Variants in ITGAL observed in about 807,000 individuals in gnomAD.
ITGAL encodes the protein integrin alpha-L.
ITGAL carries 68 observed loss-of-function variants against 138.4 expected under a neutral mutation model. The ratio of observed to expected loss-of-function variants is 0.49; its 90% CI spans 0.40 to 0.60. ITGAL has a LOEUF of 0.60. Among genes scored for constraint, ITGAL ranks in the 20% least tolerant of loss-of-function variants. The pLI is 0.00. For missense variants in ITGAL, 1,256 were observed against 1,478.6 expected (o/e 0.85, Z 2.47); for synonymous variants, 561 against 584.3 (o/e 0.96, Z 0.57).
chr16:30,509,138 T>G (rs987223737), intron 21 of ITGAL, among the ~76,000 whole-genome samples: 1 of 146,742 alleles, frequency 6.8e-6, no homozygotes, highest in African/African-American at 2.5e-5. Context: ...ATCACTCTAC[T>G]GCACTCTAGC....
At chr16:30,503,350 T>C (rs183926912) in intron 17 of ITGAL, among the ~76,000 whole-genome samples, 6 of 152,160 alleles carry the variant, frequency 3.9e-5, no homozygotes, top group Admixed American at 3.9e-4. Flanking sequence ...GGAAAGATCC[T>C]GGACTTTGGA....
intron 29 of ITGAL, among the ~76,000 whole-genome samples, chr16:30,519,258 G>A (rs1226772373): frequency 6.6e-6 from 1 of 151,908 alleles, no homozygotes; most frequent in Non-Finnish European, 1.5e-5. Context: ...GGTGGTTCAC[G>A]CCTGTACTCA....
In ITGAL at chr16:30,521,876, G is replaced by A. The variant is rs1490359561; in HGVS notation, c.*211G>A. On this transcript the variant is annotated 3_prime_UTR_variant, in exon 31 of 31. Coordinates refer to ENST00000356798, the MANE Select transcript of ITGAL (RefSeq NM_002209.3). ...TGCTGAGGGACCAGCCAAGAGGGCT[G>A]CAAAAGTGAGGGCTTGTCATTACCA... 1 of 535,696 alleles carries A rather than the reference G, an allele frequency of 1.9e-6. No homozygotes were observed. The highest frequency in any genetic ancestry group is 3.3e-6 in the Non-Finnish European group (1 of 302,344). The allele number at this position is 535,696 out of a possible 1,614,324, so 33.2% of individuals were successfully genotyped here.
chr16:30,517,835 C>T lies in ITGAL; in HGVS notation c.3072C>T (p.Val1024=). ...GAGCCCTGTTCCGCTGCCCTGTTGT[C>T]TTCAGGCAGGAGATCCTCGTCCAAG... ...LPGALFRCPV[V]FRQEILVQVI... The change falls in exon 28 of 31, where the codon GTC becomes GTT. Residue 1024 remains valine, a synonymous_variant. Coordinates refer to ENST00000356798, the MANE Select transcript of ITGAL (RefSeq NM_002209.3). 1.2e-6 allele frequency: 2 copies of T among 1,614,180 alleles called. No homozygotes were observed. Among genetic ancestry groups the T allele is most frequent in the East Asian group, 2.2e-5 (1 of 44,882 alleles).
intron 13 of ITGAL, among the ~76,000 whole-genome samples, chr16:30,495,183 C>T (rs2050781963): frequency 6.6e-6 from 1 of 152,140 alleles, no homozygotes; most frequent in Non-Finnish European, 1.5e-5. Flanking sequence ...TGCCACCATG[C>T]CCAGCTAATT....
chr16:30,517,043 C>T lies in ITGAL; in HGVS notation c.2933C>T (p.Pro978Leu). The part of the protein sequence containing the change: ...TLEAVVGVPQ[P>L]PSEGPITHQW... ...GAGGCTGTGGTTGGGGTGCCACAGC[C>T]TCCCAGCGAGGGGCCCATCACACAC... Residue 978 changes from proline to leucine, a missense_variant, in exon 26 of 31, where the codon CCT (proline) becomes CTT (leucine). By Grantham distance (98) the Pro-to-Leu change is moderately conservative. This residue lies in a region of ITGAL where 867 missense variants were observed against 972.5 expected (regional missense o/e 0.89). Transcript: ENST00000356798. The T allele has an allele frequency of 6.2e-7, 1 of 1,613,538 alleles. No homozygotes were observed. The highest frequency in any genetic ancestry group is 8.5e-7 in the Non-Finnish European group (1 of 1,179,646).
chr16:30,497,922 G>A (rs1454619531), intron 15 of ITGAL, among the ~76,000 whole-genome samples: 1 of 151,574 alleles, frequency 6.6e-6, no homozygotes, highest in African/African-American at 2.4e-5. Context: ...ACTCCAGCCT[G>A]AGCTACAGAG....
At position 30,494,522 on chromosome 16, in the gene ITGAL, T is replaced by A. The variant is rs922715833; in HGVS notation, c.1365+159T>A. Reference sequence around the variant, plus strand: ...TAACACACAGAGGTAAGCCCTGTCATCTCCCTCTCTAGTTTAAGAAACTGA... The same window carrying A: ...TAACACACAGAGGTAAGCCCTGTCAACTCCCTCTCTAGTTTAAGAAACTGA... On this transcript the variant is annotated intron_variant, in intron 12 of 30. Transcript: ENST00000356798. The surrounding 1 kb of genome is among the most constrained non-coding windows in gnomAD (Gnocchi z 4.2). Among the ~76,000 whole-genome samples, 1 of 152,106 alleles carries A rather than the reference T, an allele frequency of 6.6e-6. No homozygotes were observed. The highest frequency in any genetic ancestry group is 1.5e-5 in the Non-Finnish European group (1 of 68,028).
Position 30,494,972 on chromosome 16 carries a change from A to G in ITGAL, c.1503+122A>G. ...CGATCAAACTTTTAGAACGACAGAG[A>G]GGCAATAGCAAATCCTCACTGGGGA... On this transcript the variant is annotated intron_variant, in intron 13 of 30. Coordinates refer to ENST00000356798, the MANE Select transcript of ITGAL (RefSeq NM_002209.3). The surrounding 1 kb of genome is among the most constrained non-coding windows in gnomAD (Gnocchi z 4.2). 1 of 1,041,988 alleles carries G rather than the reference A, an allele frequency of 9.6e-7. No individual in the cohort carries two copies. The highest frequency in any genetic ancestry group is 1.4e-6 in the Non-Finnish European group (1 of 729,224). 64.5% of individuals were successfully genotyped at this position (1,041,988 alleles called of 1,614,324 possible). A position where few individuals can be genotyped will look rare whatever the true frequency, so the allele number is the denominator to read the frequency against.
In ITGAL at chr16:30,474,692, T is replaced by C. The variant is rs562373394; in HGVS notation, c.164+394T>C. 7 of 184,506 alleles carry C rather than the reference T, an allele frequency of 3.8e-5. No individual in the cohort carries two copies. The South Asian group carries it at 8.2e-4, about 22-fold the overall frequency. The allele number at this position is 184,506 out of a possible 1,614,324, so 11.4% of individuals were successfully genotyped here. ...CCATGAATGGCTTTTGAATCAAGGA[T>C]TGAATGAATGTACTTATCATGAGAC... On this transcript the variant is annotated intron_variant, in intron 2 of 30. Transcript: ENST00000356798.
Position 30,494,883 on chromosome 16 carries a change from G to A in ITGAL, c.1503+33G>A. The A allele has an allele frequency of 6.4e-7, 1 of 1,562,880 alleles. No homozygotes were observed. The highest frequency in any genetic ancestry group is 8.7e-7 in the Non-Finnish European group (1 of 1,149,020). On this transcript the variant is annotated intron_variant, in intron 13 of 30. Transcript: ENST00000356798. This position sits in a 1 kb window ranked among gnomAD's most constrained non-coding sequence, Gnocchi z 4.2. ...CAGGATCTGGAGCTGAGAGGGAGGA[G>A]GGAGAGCAGCAGAGATTCGCAGCTC...
At chr16:30,490,223 G>A (rs753945450) in intron 11 of ITGAL, among the ~76,000 whole-genome samples, 41 of 55,664 alleles carry the variant, frequency 7.4e-4, no homozygotes, top group African/African-American at 2.9e-3. Flanking sequence ...GCGAGACTCC[G>A]TCTTAAAAAA....
In ITGAL at chr16:30,494,804, A is replaced by T; in HGVS notation, c.1457A>T (p.Tyr486Phe). The change falls in exon 13 of 31, where the codon TAT (tyrosine) becomes TTT (phenylalanine). Residue 486 changes from tyrosine (Y) to phenylalanine (F), a missense_variant. Tyr to Phe is a conservative substitution (Grantham distance 22). Coordinates refer to ENST00000356798, the MANE Select transcript of ITGAL (RefSeq NM_002209.3). The surrounding 1 kb of genome is among the most constrained non-coding windows in gnomAD (Gnocchi z 4.2). ...ELLLIGAPLF[Y>F]GEQRGGRVFI... ...CTGCTGATTGGTGCCCCACTGTTCT[A>T]TGGGGAGCAGAGAGGAGGCCGGGTG... is the stretch of plus-strand genomic sequence containing the variant. 1 of 1,611,684 alleles carries T rather than the reference A, an allele frequency of 6.2e-7. No individual in the cohort carries two copies. The highest frequency in any genetic ancestry group is 8.5e-7 in the Non-Finnish European group (1 of 1,178,298).
chr16:30,490,272 A>G (rs2050707382), intron 11 of ITGAL, among the ~76,000 whole-genome samples: 1 of 150,914 alleles, frequency 6.6e-6, no homozygotes. Context: ...AAACCAGCCA[A>G]TTCCGAGCCC....
At chr16:30,481,143 A>AAC (rs60456127) in intron 6 of ITGAL, 17,979 of 215,542 alleles carry the variant, frequency 0.083, 1,439 homozygotes, top group African/African-American at 0.28. Flanking sequence ...CTCTACTAAA[A>AAC]ACACACACAC....
In ITGAL at chr16:30,483,893, G is replaced by T; in HGVS notation, c.789G>T (p.Thr263=). The change falls in exon 8 of 31, where the codon ACG becomes ACT. Residue 263 remains threonine, a synonymous_variant. Transcript: ENST00000356798. The stretch of plus-strand genomic sequence containing the variant: ...CCACCAAAGTGCTTATCATCATCAC[G>T]GATGGGGAGGCCACTGACAGTGGCA... ...PDATKVLIII[T]DGEATDSGNI... is the part of the protein sequence containing the mutation. 6.2e-7 allele frequency: 1 copy of T among 1,614,080 alleles called. No individual in the cohort carries two copies.
At chr16:30,490,969 C>CA (rs111825062) in intron 11 of ITGAL, among the ~76,000 whole-genome samples, 6,165 of 105,868 alleles carry the variant, frequency 0.058, 156 homozygotes, top group African/African-American at 0.082. Flanking sequence ...GACTTTGTCT[C>CA]AAAAAAAAAA....
intron 2 of ITGAL, 85 bp from the exon 3 acceptor site, chr16:30,475,221 C>T (rs1289680454): frequency 1.1e-6 from 1 of 952,186 alleles, no homozygotes; most frequent in Non-Finnish European, 1.6e-6. Context: ...AGAAATGAGA[C>T]AGGAGATCTG....
intron 18 of ITGAL, among the ~76,000 whole-genome samples, chr16:30,504,625 A>G (rs1479033061): frequency 6.6e-6 from 1 of 151,734 alleles, no homozygotes. Flanking sequence ...CACTTGAGCC[A>G]GAGGGTTGAG....
Sources: gnomAD v4.1 joint callset for allele counts (sites outside exome capture counted in the v4.1 genomes callset) on GRCh38, gnomAD v4.1.1 for gene constraint, gnomAD v4.1.1 regional missense constraint, Gnocchi (gnomAD v3.1) non-coding constraint, MANE v1.5 for transcripts, NCBI Gene and HGNC (gene_info 2026-07-23, HGNC 2026-07-21) for gene names.